Variants in FARP1 observed in about 807,000 individuals in gnomAD.
FARP1 encodes FERM, ARHGEF and pleckstrin domain-containing protein 1.
In FARP1, 52 loss-of-function variants were observed where a neutral mutation model predicts 128.8. That is an observed-to-expected ratio of 0.40 (90% CI 0.32 to 0.51). FARP1 has a LOEUF of 0.51. Ranked by LOEUF, FARP1 falls within the 20% of genes least tolerant of loss-of-function variation. The probability of loss-of-function intolerance (pLI) is 0.45; values close to 1 mark genes in which losing one functional copy is unlikely to be tolerated. For missense variants in FARP1, 1,333 were observed against 1,367.9 expected (o/e 0.97, Z 0.40); for synonymous variants, 580 against 551.8 (o/e 1.05, Z -0.72).
chr13:98,427,239 T>C (rs1305151565), intron 17 of FARP1, among the ~76,000 whole-genome samples: 1 of 152,198 alleles, frequency 6.6e-6, no homozygotes, highest in Non-Finnish European at 1.5e-5. Context: ...TAGTTTTATC[T>C]TTCCAGATGT....
rs183571221 is a variant in FARP1 at position 98,186,399 on chromosome 13, C to T, written c.-23-26821C>T. 9.6e-4 allele frequency among the ~76,000 whole-genome samples: 146 copies of T among 152,242 alleles called. 2 individuals carry two copies. In the South Asian group the frequency reaches 0.011, roughly 11 times the overall value. ...CTGGGATTACAGATGTGAGCCACCGCGCCTGGCGCTCCAGAACATTTTCCA... is the reference window on the plus strand; with the variant it reads ...CTGGGATTACAGATGTGAGCCACCGTGCCTGGCGCTCCAGAACATTTTCCA... On this transcript the variant is annotated intron_variant, in intron 1 of 26. Transcript: ENST00000319562.
At chr13:98,169,308 G>A (rs1877491373) in intron 1 of FARP1, among the ~76,000 whole-genome samples, 2 of 152,076 alleles carry the variant, frequency 1.3e-5, no homozygotes, top group South Asian at 2.1e-4. Flanking sequence ...TCTTGGACAC[G>A]CTCTTTTCTG....
chr13:98,292,843 T>C (rs569344560), intron 2 of FARP1, among the ~76,000 whole-genome samples: 1 of 152,316 alleles, frequency 6.6e-6, no homozygotes, highest in Admixed American at 6.5e-5. Context: ...TACCCTTCAG[T>C]TGAAACATTT....
chr13:98,232,816 A>G (rs916854265), intron 2 of FARP1, among the ~76,000 whole-genome samples: 17 of 152,224 alleles, frequency 1.1e-4, no homozygotes, highest in Non-Finnish European at 2.5e-4. Flanking sequence ...TTGAAACTTC[A>G]TATTGAGTGA....
chr13:98,438,693 C>T (rs952792178), intron 19 of FARP1, 111 bp from the exon 20 acceptor site: 71 of 817,924 alleles, frequency 8.7e-5, no homozygotes, highest in Non-Finnish European at 1.3e-4. Context: ...TCTGCACGCT[C>T]GCAGTCAGCC....
chr13:98,287,471 C>T lies in FARP1; in HGVS notation c.172-56291C>T, dbSNP rs1885238515. 2.6e-5 allele frequency among the ~76,000 whole-genome samples: 4 copies of T among 151,788 alleles called. 1 individual carries two copies. In the South Asian group the frequency reaches 6.2e-4, roughly 24 times the overall value. On this transcript the variant is annotated intron_variant, in intron 2 of 26. Coordinates refer to ENST00000319562, the MANE Select transcript of FARP1 (RefSeq NM_005766.4). Reference sequence around the variant, plus strand: ...GTCTCAATCTCCTGACCTCGTGATCCGCCCATCTCAGCCTCCCAAAGTGCG... The same window carrying T: ...GTCTCAATCTCCTGACCTCGTGATCTGCCCATCTCAGCCTCCCAAAGTGCG...
intron 2 of FARP1, among the ~76,000 whole-genome samples, chr13:98,317,841 CAGAG>C (rs1197729743): frequency 3.3e-5 from 5 of 152,236 alleles, no homozygotes; most frequent in Admixed American, 1.3e-4. Context: ...CCTTTCATGG[CAGAG>C]AGAGAGCAAG....
intron 2 of FARP1, among the ~76,000 whole-genome samples, chr13:98,300,838 T>C (rs147146768): frequency 2.0e-5 from 3 of 150,366 alleles, no homozygotes; most frequent in Admixed American, 6.7e-5. Flanking sequence ...GGCTTCTGTC[T>C]TCTGTGCTGC....
intron 26 of FARP1, 108 bp downstream of exon 26, chr13:98,446,925 C>A: frequency 2.4e-6 from 3 of 1,229,026 alleles, no homozygotes; most frequent in Non-Finnish European, 3.5e-6. Context: ...CCTTCCCTGC[C>A]AACTAAGCGT....
At chr13:98,420,563 G>A (rs909106096) in intron 16 of FARP1, among the ~76,000 whole-genome samples, 1 of 152,188 alleles carries the variant, frequency 6.6e-6, no homozygotes, top group African/African-American at 2.4e-5. Flanking sequence ...ATGTGTAGTT[G>A]CTCCTGGGAG....
rs367559758 is a variant in FARP1 at position 98,204,434 on chromosome 13, TC to T, written c.-23-8783del. ...GTGCCTCTCACCATTTCTACTCCTT[TC>T]CCTGCCAGTTTTTTAGCTGCATTAT... On this transcript the variant is annotated intron_variant, in intron 1 of 26. Transcript: ENST00000319562. Among the ~76,000 whole-genome samples the T allele has an allele frequency of 1.5e-4, 23 of 152,328 alleles. No individual in the cohort carries two copies. The East Asian group carries it at 4.2e-3, about 28-fold the overall frequency.
At chr13:98,207,908 C>CCCCACACACA (rs1555327643) in intron 1 of FARP1, among the ~76,000 whole-genome samples, 3 of 71,574 alleles carry the variant, frequency 4.2e-5, no homozygotes, top group African/African-American at 1.8e-4. Context: ...ACCACCACCT[C>CCCCACACACA]CACACACACA....
At chr13:98,438,673 G>T (rs539066398) in intron 19 of FARP1, 131 bp from the exon 20 acceptor site, 16 of 701,708 alleles carry the variant, frequency 2.3e-5, no homozygotes, top group Admixed American at 4.7e-5. Context: ...CTCGCAGTCC[G>T]TTCTTGGGGT....
rs949883476 is a variant in FARP1 at position 98,454,009 on chromosome 13, C to T, written c.*5692C>T. On this transcript the variant is annotated 3_prime_UTR_variant, in exon 27 of 27. Coordinates refer to ENST00000319562, the MANE Select transcript of FARP1 (RefSeq NM_005766.4). ...GCAGTTCCTTTGAGCCCCATGCTGG[C>T]GCTCAAAAGTTTCAGATTGGGGATT... 4.6e-5 allele frequency: 7 copies of T among 152,182 alleles called. No individual in the cohort carries two copies. Among genetic ancestry groups the T allele is most frequent in the Admixed American group, 3.3e-4 (5 of 15,284 alleles). The allele number at this position is 152,182 out of a possible 1,614,324, so 9.4% of individuals were successfully genotyped here.
intron 2 of FARP1, chr13:98,244,843 C>G (rs2139463431): frequency 1.4e-6 from 2 of 1,459,794 alleles, no homozygotes; most frequent in South Asian, 1.5e-5. Context: ...GGAGTAGATA[C>G]AGATGTGATC....
At chr13:98,261,538 A>G (rs1883882804) in intron 2 of FARP1, among the ~76,000 whole-genome samples, 1 of 142,800 alleles carries the variant, frequency 7.0e-6, no homozygotes, top group African/African-American at 2.7e-5. Context: ...TTTTTTGCCT[A>G]GAAAGTTTGC....
rs1555341309 is a variant in FARP1, at chr13:98,372,087, T to TTTC, written c.398+3894_398+3895insCTT. Among the ~76,000 whole-genome samples, 284 of 143,200 alleles carry TTTC rather than the reference T, an allele frequency of 2.0e-3. 2 individuals carry two copies. Among genetic ancestry groups the TTTC allele is most frequent in the Non-Finnish European group, 3.8e-3 (250 of 65,220 alleles). The allele number at this position is 143,200 out of a possible 152,430, so 93.9% of individuals were successfully genotyped here. ...AAAGATGATCCCAGTTTTTCTTTTT[T>TTTC]TTTTTTTTTTTTTTTTGGCGATGGA... is the stretch of plus-strand genomic sequence containing the variant. On this transcript the variant is annotated intron_variant, in intron 5 of 26. Coordinates refer to ENST00000319562, the MANE Select transcript of FARP1 (RefSeq NM_005766.4).
chr13:98,437,712 C>T, intron 19 of FARP1: 1 of 868,804 alleles, frequency 1.2e-6, no homozygotes, highest in Non-Finnish European at 1.9e-6. Flanking sequence ...TGAAGAAAGG[C>T]AGACCTGTAT....
intron 1 of FARP1, among the ~76,000 whole-genome samples, chr13:98,184,503 C>T (rs1241208873): frequency 6.6e-6 from 1 of 152,160 alleles, no homozygotes; most frequent in Non-Finnish European, 1.5e-5. Flanking sequence ...ATTGTTCATA[C>T]TATATTAACA....
Sources: allele counts gnomAD v4.1 joint callset (sites outside exome capture counted in the v4.1 genomes callset), GRCh38; gene constraint gnomAD v4.1.1; transcripts MANE v1.5; gene names NCBI Gene and HGNC (gene_info 2026-07-23, HGNC 2026-07-21).